NFIL3: variants seen among roughly 807,000 people sequenced by gnomAD.
The protein encoded by NFIL3 is nuclear factor, interleukin 3 regulated, also known as nuclear factor interleukin-3-regulated protein.
A neutral mutation model predicts 10.0 loss-of-function variants in NFIL3; 5 were observed. The ratio of observed to expected loss-of-function variants is 0.50; its 90% CI spans 0.26 to 1.06. NFIL3 has a LOEUF of 1.06. Ranked by LOEUF, NFIL3 falls within the 50% of genes least tolerant of loss-of-function variation. NFIL3 has a pLI of 0.13. For synonymous variants in NFIL3, 202 were observed against 206.5 expected, an observed-to-expected ratio of 0.98 and a Z score of 0.19; for missense variants, 436 against 547.6, an observed-to-expected ratio of 0.80 and a Z score of 2.03.
At chr9:91,429,620 G>A in the NFIL3 span, among the ~76,000 whole-genome samples, 32 of 150,894 alleles carry the variant, frequency 2.1e-4, no homozygotes, top group Non-Finnish European at 4.7e-4. Context: ...ATGCACTTAA[G>A]AAGTCCGGAA....
rs778587445 is a variant in NFIL3, at chr9:91,409,528, G to T, written c.1207C>A (p.Leu403Met). Reference sequence around the variant, plus strand: ...AAACTATTCTGAGTTTTGCCACTCAGTTCTTTTTGATGCCAGTGCTCCGAT... The same window carrying T: ...AAACTATTCTGAGTTTTGCCACTCATTTCTTTTTGATGCCAGTGCTCCGAT... ...LKSEHWHQKE[L>M]SGKTQNSFKT... Residue 403 changes from leucine to methionine, a missense_variant, in exon 2 of 2, where the codon CTG (leucine) becomes ATG (methionine). By Grantham distance (15) the Leu-to-Met change is conservative. Around this residue, in one of 3 missense-constraint regions of NFIL3, gnomAD observed 338 missense variants for 399.9 expected, o/e 0.85. Coordinates refer to ENST00000297689, the MANE Select transcript of NFIL3 (RefSeq NM_005384.3). 6.2e-7 allele frequency: 1 copy of T among 1,613,866 alleles called. No individual in the cohort carries two copies. The highest frequency in any genetic ancestry group is 1.1e-5 in the South Asian group (1 of 90,998).
At position 91,410,310 on chromosome 9, in the gene NFIL3, C is replaced by A; in HGVS notation, c.425G>T (p.Ser142Ile). Residue 142 changes from serine (S) to isoleucine (I), a missense_variant, in exon 2 of 2, where the codon AGT becomes ATT. Coordinates refer to ENST00000297689, the MANE Select transcript of NFIL3 (RefSeq NM_005384.3). This position sits in a 1 kb window ranked among gnomAD's most constrained non-coding sequence, Gnocchi z 5.7. ...TAYAQEIQKL[S>I]NSTAVYFQDY... ...TTGAAAGTACACAGCTGTAGAATTA[C>A]TGAGTTTCTGAATCTCTTGAGCATA... is the stretch of plus-strand genomic sequence containing the variant. 2 of 1,614,214 alleles carry A rather than the reference C, an allele frequency of 1.2e-6. No homozygotes were observed. Among genetic ancestry groups the A allele is most frequent in the South Asian group, 2.2e-5 (2 of 91,082 alleles).
the NFIL3 span, among the ~76,000 whole-genome samples, chr9:91,466,376 T>A: frequency 4.6e-5 from 7 of 152,082 alleles, no homozygotes; most frequent in African/African-American, 1.7e-4. Context: ...AAATACAGAA[T>A]GGTAGTGGAT....
the NFIL3 span, among the ~76,000 whole-genome samples, chr9:91,467,201 A>G: frequency 6.6e-6 from 1 of 151,896 alleles, no homozygotes; most frequent in Non-Finnish European, 1.5e-5. Flanking sequence ...TTATATGTAT[A>G]TACAACTTAA....
the NFIL3 span, among the ~76,000 whole-genome samples, chr9:91,436,894 T>TC: frequency 0.013 from 2,027 of 152,338 alleles, 48 homozygotes; most frequent in East Asian, 0.077. Context: ...CAACCTTTTT[T>TC]GGCAGCAGGG....
chr9:91,423,332 C>A (rs1046421099), intron 1 of NFIL3, among the ~76,000 whole-genome samples: 12 of 152,200 alleles, frequency 7.9e-5, no homozygotes, highest in Non-Finnish European at 1.6e-4. Flanking sequence ...ACCAAAACAT[C>A]AATTTTCCTG....
At chr9:91,426,563 C>T (rs994194151), upstream of NFIL3, among the ~76,000 whole-genome samples, 2 of 152,134 alleles carry the variant, frequency 1.3e-5, no homozygotes, top group African/African-American at 4.8e-5. Context: ...TTGCTCTCAG[C>T]AACCTCTCAG....
chr9:91,429,169 A>G, the NFIL3 span, among the ~76,000 whole-genome samples: 2 of 152,230 alleles, frequency 1.3e-5, no homozygotes, highest in Non-Finnish European at 2.9e-5. Context: ...TTATCTAAAC[A>G]TTTCTGTGAA....
chr9:91,411,382 T>G (rs952757562), intron 1 of NFIL3, among the ~76,000 whole-genome samples: 4 of 152,206 alleles, frequency 2.6e-5, no homozygotes, highest in African/African-American at 9.6e-5. Flanking sequence ...AAAGGGACTT[T>G]ACCAAGTAAA....
chr9:91,453,731 T>A, the NFIL3 span, among the ~76,000 whole-genome samples: 1 of 152,090 alleles, frequency 6.6e-6, no homozygotes, highest in East Asian at 1.9e-4. Context: ...GCATTTGTAT[T>A]GGTAGGTGTT....
chr9:91,423,761 A>C lies in NFIL3; in HGVS notation c.-294T>G. ...CCGCGGCGGGAGGCGGGCGGCGGCG[A>C]GGGCGCGGCGCGGGAGGCGGGCGGG... On this transcript the variant is annotated 5_prime_UTR_variant, in exon 1 of 2. Coordinates refer to ENST00000297689, the MANE Select transcript of NFIL3 (RefSeq NM_005384.3). 3 of 138,894 alleles carry C rather than the reference A, an allele frequency of 2.2e-5. No individual in the cohort carries two copies. Among genetic ancestry groups the C allele is most frequent in the Non-Finnish European group, 3.1e-5 (2 of 63,846 alleles). The allele number at this position is 138,894 out of a possible 1,614,324, so 8.6% of individuals were successfully genotyped here. A position where few individuals can be genotyped will look rare whatever the true frequency, so the allele number is the denominator to read the frequency against.
At chr9:91,476,620 T>C in the NFIL3 span, among the ~76,000 whole-genome samples, 1 of 150,494 alleles carries the variant, frequency 6.6e-6, no homozygotes. Flanking sequence ...AAATGCAAAG[T>C]GTTTCAACCT....
the NFIL3 span, among the ~76,000 whole-genome samples, chr9:91,464,048 G>A: frequency 6.6e-6 from 1 of 151,784 alleles, no homozygotes; most frequent in Non-Finnish European, 1.5e-5. Context: ...TATTTTATGT[G>A]GGTTTCTTGT....
chr9:91,466,555 C>G, the NFIL3 span, among the ~76,000 whole-genome samples: 1 of 152,118 alleles, frequency 6.6e-6, no homozygotes, highest in Non-Finnish European at 1.5e-5. Flanking sequence ...AGTATTGGCT[C>G]TGTATCATAG....
chr9:91,481,685 A>G, the NFIL3 span, among the ~76,000 whole-genome samples: 1 of 152,184 alleles, frequency 6.6e-6, no homozygotes, highest in Non-Finnish European at 1.5e-5. Flanking sequence ...AATACCAATG[A>G]TATTTGTATT....
Position 91,409,400 on chromosome 9 carries a change from G to A in NFIL3, c.1335C>T (p.Val445=). 6.2e-7 allele frequency: 1 copy of A among 1,610,256 alleles called. No individual in the cohort carries two copies. The highest frequency in any genetic ancestry group is 8.5e-7 in the Non-Finnish European group (1 of 1,178,282). ...GTGTGGCTATAAGTCTCTTGAGTGA[G>A]ACAACCTCTGCAGATAAGTTTGCTA... ...QGIANLSAEV[V]SLKRLIATQP... is the part of the protein sequence containing the mutation. Residue 445 remains valine, a synonymous_variant, in exon 2 of 2, where the codon GTC becomes GTT. Coordinates refer to ENST00000297689, the MANE Select transcript of NFIL3 (RefSeq NM_005384.3).
Position 91,414,374 on chromosome 9 carries a change from T to C in NFIL3, c.-172-3468A>G, listed in dbSNP as rs577490333. On this transcript the variant is annotated intron_variant, in intron 1 of 1. Coordinates refer to ENST00000297689, the MANE Select transcript of NFIL3 (RefSeq NM_005384.3). ...ATGTGCCACTAAGCCCAGCTACTTT[T>C]GTATTTTTAGTAGAGATGGGGTTTC... Among the ~76,000 whole-genome samples, 26 of 152,280 alleles carry C rather than the reference T, an allele frequency of 1.7e-4. No homozygotes were observed. In the South Asian group the frequency reaches 3.9e-3, roughly 23 times the overall value.
the NFIL3 span, among the ~76,000 whole-genome samples, chr9:91,467,083 T>C: frequency 6.6e-6 from 1 of 152,192 alleles, no homozygotes; most frequent in Non-Finnish European, 1.5e-5. Flanking sequence ...AGCCTGCCAA[T>C]TCTGCAGATT....
At chr9:91,422,336 T>C (rs1027017137) in intron 1 of NFIL3, among the ~76,000 whole-genome samples, 2 of 152,158 alleles carry the variant, frequency 1.3e-5, no homozygotes, top group African/African-American at 2.4e-5. Context: ...GAGGCCACAA[T>C]TGTTAAAATG....
Sources: gnomAD v4.1 joint callset for allele counts (sites outside exome capture counted in the v4.1 genomes callset) on GRCh38, gnomAD v4.1.1 for gene constraint, gnomAD v4.1.1 regional missense constraint, Gnocchi (gnomAD v3.1) non-coding constraint, MANE v1.5 for transcripts, NCBI Gene and HGNC (gene_info 2026-07-23, HGNC 2026-07-21) for gene names.